The following SMYD3 variants were observed in gnomAD, a reference collection of about 807,000 sequenced individuals.
SMYD3 encodes SET and MYND domain containing 3, also known as histone-lysine N-methyltransferase SMYD3.
Under a neutral mutation model 57.7 loss-of-function variants are expected in SMYD3, and 36 were observed. The ratio of observed to expected loss-of-function variants is 0.62; its 90% CI spans 0.48 to 0.82. The LOEUF (loss-of-function observed/expected upper bound fraction) is 0.82, where lower values mean the gene tolerates loss of function less well. SMYD3 is among the 40% of genes least tolerant of loss of function. SMYD3 has a pLI of 0.00. For synonymous variants in SMYD3, 211 were observed against 195.0 expected (o/e 1.08, Z -0.68); for missense variants, 515 against 538.8 (o/e 0.96, Z 0.44).
intron 5 of SMYD3, among the ~76,000 whole-genome samples, chr1:246,100,213 A>G (rs1248573783): frequency 6.6e-6 from 1 of 152,206 alleles, no homozygotes; most frequent in Non-Finnish European, 1.5e-5. Flanking sequence ...TCAACGCATT[A>G]AAACAAAAAA....
chr1:245,779,512 T>C (rs949617818), intron 10 of SMYD3, among the ~76,000 whole-genome samples: 5 of 152,210 alleles, frequency 3.3e-5, no homozygotes, highest in African/African-American at 1.2e-4. Context: ...TTCTCCCAGA[T>C]TGTGGAAGTA....
At chr1:245,816,279 C>A in intron 10 of SMYD3, among the ~76,000 whole-genome samples, 1 of 152,096 alleles carries the variant, frequency 6.6e-6, no homozygotes, top group Non-Finnish European at 1.5e-5. Context: ...AAACTCCCCA[C>A]AGAGAGTACT....
At chr1:246,418,755 G>A (rs1048152051) in intron 1 of SMYD3, among the ~76,000 whole-genome samples, 12 of 152,108 alleles carry the variant, frequency 7.9e-5, no homozygotes, top group African/African-American at 2.9e-4. Flanking sequence ...ACTCCACGTC[G>A]TTCTGCTGGC....
intron 10 of SMYD3, among the ~76,000 whole-genome samples, chr1:245,772,924 C>T (rs2046395195): frequency 6.6e-6 from 1 of 151,866 alleles, no homozygotes; most frequent in Non-Finnish European, 1.5e-5. Flanking sequence ...TATTTCACAA[C>T]TAATGTGATA....
intron 1 of SMYD3, among the ~76,000 whole-genome samples, chr1:246,475,237 G>C (rs2068013624): frequency 6.6e-6 from 1 of 151,518 alleles, no homozygotes; most frequent in East Asian, 2.0e-4. Flanking sequence ...GAGACTGAGG[G>C]AGAACTGCTT....
chr1:246,045,828 A>C (rs999269079), intron 5 of SMYD3, among the ~76,000 whole-genome samples: 10 of 152,344 alleles, frequency 6.6e-5, no homozygotes, highest in African/African-American at 2.4e-4. Context: ...ATGAACAGAC[A>C]CTTCTCAAAA....
chr1:246,030,006 CTTTT>C (rs58066934), intron 5 of SMYD3, among the ~76,000 whole-genome samples: 5 of 135,106 alleles, frequency 3.7e-5, no homozygotes, highest in Admixed American at 3.0e-4. Context: ...TTCTTTCTTT[CTTTT>C]TTTTTTTTTT....
chr1:245,763,624 A>T (rs1378482018), intron 11 of SMYD3, among the ~76,000 whole-genome samples: 1 of 152,008 alleles, frequency 6.6e-6, no homozygotes, highest in Admixed American at 6.5e-5. Context: ...GCAAAGGTGA[A>T]CTGCCACACA....
In SMYD3 at chr1:246,327,279, A is replaced by G. The variant is rs751005047; in HGVS notation, c.453T>C (p.Phe151=). The part of the protein sequence containing the change: ...KEGLRQLVMT[F]QHFMREEIQD... ...GTATTTCTTCTCTCATGAAATGTTG[A>G]AATGTCATTACGAGTTGCCTGAGGC... Residue 151 remains phenylalanine, a synonymous_variant, in exon 5 of 12, where the codon TTT becomes TTC. Coordinates refer to ENST00000490107, the MANE Select transcript of SMYD3 (RefSeq NM_001167740.2). 1.2e-6 allele frequency: 2 copies of G among 1,614,158 alleles called. No homozygotes were observed. Among genetic ancestry groups the G allele is most frequent in the Non-Finnish European group, 1.7e-6 (2 of 1,180,010 alleles).
chr1:246,136,154 G>T (rs1388599437), intron 5 of SMYD3, among the ~76,000 whole-genome samples: 4 of 152,114 alleles, frequency 2.6e-5, no homozygotes, highest in Non-Finnish European at 5.9e-5. Context: ...CAACAGATTG[G>T]AGTTAATGGC....
At chr1:246,391,206 C>T (rs1316965233) in intron 1 of SMYD3, among the ~76,000 whole-genome samples, 1 of 141,796 alleles carries the variant, frequency 7.1e-6, no homozygotes, top group African/African-American at 2.7e-5. Flanking sequence ...GGCAACTAAG[C>T]GAGACTCTAT....
chr1:245,775,043 G>C (rs1324034198), intron 10 of SMYD3, among the ~76,000 whole-genome samples: 1 of 151,930 alleles, frequency 6.6e-6, no homozygotes, highest in East Asian at 1.9e-4. Context: ...GCGTGATCTC[G>C]GCTGGCTACA....
At chr1:245,882,707 T>C (rs2052854972) in intron 8 of SMYD3, among the ~76,000 whole-genome samples, 1 of 152,204 alleles carries the variant, frequency 6.6e-6, no homozygotes, top group Non-Finnish European at 1.5e-5. Context: ...ATGACATGTA[T>C]GTATTTTGTG....
intron 1 of SMYD3, among the ~76,000 whole-genome samples, chr1:246,499,253 G>A (rs1558492978): frequency 2.0e-5 from 3 of 151,714 alleles, no homozygotes; most frequent in Non-Finnish European, 4.4e-5. Flanking sequence ...GCAGTGAGCC[G>A]AGATTGTACC....
chr1:245,860,361 T>C (rs569078053), intron 9 of SMYD3, among the ~76,000 whole-genome samples: 306 of 152,324 alleles, frequency 2.0e-3, no homozygotes, highest in African/African-American at 6.8e-3. Flanking sequence ...GTCCATACCC[T>C]TCTCAGAACA....
At chr1:245,753,436 C>A (rs540294759) in intron 11 of SMYD3, among the ~76,000 whole-genome samples, 1 of 152,132 alleles carries the variant, frequency 6.6e-6, no homozygotes, top group Non-Finnish European at 1.5e-5. Context: ...ACTGTGTGTG[C>A]GGATGTGTGC....
chr1:246,101,626 T>G (rs1025920409), intron 5 of SMYD3, among the ~76,000 whole-genome samples: 1 of 152,248 alleles, frequency 6.6e-6, no homozygotes, highest in African/African-American at 2.4e-5. Flanking sequence ...GAAAATGGTA[T>G]TTTATGGCAT....
intron 1 of SMYD3, among the ~76,000 whole-genome samples, chr1:246,396,136 G>A (rs188471597): frequency 1.4e-4 from 21 of 152,174 alleles, no homozygotes; most frequent in Middle Eastern, 6.8e-3. Flanking sequence ...CCAAATTATC[G>A]GACAGTCTAG....
At chr1:246,445,729 C>T (rs902510816) in intron 1 of SMYD3, among the ~76,000 whole-genome samples, 1 of 152,078 alleles carries the variant, frequency 6.6e-6, no homozygotes. Flanking sequence ...CTTCCAGCCA[C>T]TTGTCTGAGA....
Sources: gnomAD v4.1 joint callset for allele counts (sites outside exome capture counted in the v4.1 genomes callset) on GRCh38, gnomAD v4.1.1 for gene constraint, MANE v1.5 for transcripts, NCBI Gene and HGNC (gene_info 2026-07-23, HGNC 2026-07-21) for gene names.